SDHC: variants seen among roughly 807,000 people sequenced by gnomAD.
SDHC encodes succinate dehydrogenase complex subunit C, also known as succinate dehydrogenase cytochrome b560 subunit, mitochondrial.
SDHC carries 11 observed loss-of-function variants against 22.6 expected under a neutral mutation model. The ratio of observed to expected loss-of-function variants is 0.49; its 90% CI spans 0.31 to 0.81. The LOEUF (loss-of-function observed/expected upper bound fraction) is 0.81. Among genes scored for constraint, SDHC ranks in the 30% least tolerant of loss-of-function variants. The probability of loss-of-function intolerance (pLI) is 0.05; values close to 1 mark genes in which losing one functional copy is unlikely to be tolerated. For missense variants in SDHC, 160 were observed against 212.0 expected (o/e 0.75, Z 1.52); for synonymous variants, 80 against 77.8 (o/e 1.03, Z -0.15).
intron 4 of SDHC, among the ~76,000 whole-genome samples, chr1:161,342,013 C>T: frequency 6.6e-6 from 1 of 152,026 alleles, no homozygotes. Context: ...ATTTCTATTC[C>T]ATTTATAATC....
At chr1:161,324,615 A>G (rs1349492005) in intron 2 of SDHC, among the ~76,000 whole-genome samples, 1 of 152,184 alleles carries the variant, frequency 6.6e-6, no homozygotes, top group African/African-American at 2.4e-5. Context: ...ATGCCATATG[A>G]AATTTTTATT....
intron 1 of SDHC, 29 bp downstream of exon 1, chr1:161,314,454 C>T (rs1670524723): frequency 3.1e-6 from 5 of 1,612,980 alleles, no homozygotes; most frequent in Admixed American, 1.7e-5. Flanking sequence ...GGAGTTGGTG[C>T]CTGCGGCCCT....
chr1:161,345,544 C>T, intron 4 of SDHC, among the ~76,000 whole-genome samples: 1 of 152,116 alleles, frequency 6.6e-6, no homozygotes, highest in South Asian at 2.1e-4. Flanking sequence ...GCAACCTCCA[C>T]CTCCCGGGTT....
rs1339543098 is a variant in SDHC, at chr1:161,340,588, T to C, written c.180-6T>C. On this transcript the variant is annotated splice_polypyrimidine_tract_variant and splice_region_variant and intron_variant, in intron 3 of 5. Coordinates refer to ENST00000367975, the MANE Select transcript of SDHC (RefSeq NM_003001.5). The stretch of plus-strand genomic sequence containing the variant: ...TTTAAAATTGTCTTTGTGTGTTTCT[T>C]TACAGTTGGTCTCTTCCCATGGCGA... The C allele has an allele frequency of 6.2e-7, 1 of 1,613,290 alleles. No homozygotes were observed. The highest frequency in any genetic ancestry group is 8.5e-7 in the Non-Finnish European group (1 of 1,179,344).
intron 4 of SDHC, among the ~76,000 whole-genome samples, chr1:161,345,825 A>T (rs1671874009): frequency 6.7e-6 from 1 of 150,260 alleles, no homozygotes; most frequent in Admixed American, 6.7e-5. Flanking sequence ...GTTTTTTTTG[A>T]GACGGAGTCT....
At chr1:161,325,599 G>A (rs1671020240) in intron 2 of SDHC, among the ~76,000 whole-genome samples, 1 of 152,158 alleles carries the variant, frequency 6.6e-6, no homozygotes, top group Non-Finnish European at 1.5e-5. Flanking sequence ...AGGATCACCT[G>A]GATGGGGCAA....
chr1:161,337,003 G>A (rs941238738), intron 3 of SDHC, among the ~76,000 whole-genome samples: 1 of 151,486 alleles, frequency 6.6e-6, no homozygotes, highest in Non-Finnish European at 1.5e-5. Flanking sequence ...CCAAGTAGCT[G>A]AGACTATAGA....
At chr1:161,314,604 G>C in intron 1 of SDHC, 179 bp downstream of exon 1, 1 of 709,258 alleles carries the variant, frequency 1.4e-6, no homozygotes, top group Non-Finnish European at 2.4e-6. Flanking sequence ...AGCCGCTCCG[G>C]TGCGCTCCGT....
chr1:161,315,173 G>A (rs1207405277), intron 1 of SDHC, among the ~76,000 whole-genome samples: 1 of 152,136 alleles, frequency 6.6e-6, no homozygotes, highest in East Asian at 1.9e-4. Context: ...CTTTAGACAC[G>A]CCTGGTACAA....
At chr1:161,358,350 C>G (rs4634926) in intron 5 of SDHC, among the ~76,000 whole-genome samples, 17,704 of 151,138 alleles carry the variant, frequency 0.12, 1,403 homozygotes, top group African/African-American at 0.22. Flanking sequence ...CCAGCCTGGT[C>G]TTGAACTCTT....
In SDHC at chr1:161,314,664, C is replaced by T. The variant is rs1004778394; in HGVS notation, c.20+239C>T. 5.1e-6 allele frequency: 3 copies of T among 589,866 alleles called. No individual in the cohort carries two copies. The African/African-American group carries it at 5.6e-5, about 11-fold the overall frequency. 36.5% of individuals were successfully genotyped at this position (589,866 alleles called of 1,614,324 possible). On this transcript the variant is annotated intron_variant, in intron 1 of 5. Transcript: ENST00000367975. ...TATCGAGGGGCCCTCGGCTCTCGCC[C>T]CTTCTGTTTTCCCCACCTCCTCTAG...
chr1:161,329,446 C>T (rs1477950317), intron 3 of SDHC, among the ~76,000 whole-genome samples: 1 of 152,126 alleles, frequency 6.6e-6, no homozygotes, highest in Non-Finnish European at 1.5e-5. Context: ...ATTCTTGTGC[C>T]TCAGCCTCCT....
Position 161,314,447 on chromosome 1 carries a change from G to C in SDHC, c.20+22G>C, listed in dbSNP as rs182261879. On this transcript the variant is annotated intron_variant, in intron 1 of 5. Coordinates refer to ENST00000367975, the MANE Select transcript of SDHC (RefSeq NM_003001.5). ...TGAGGTGACTTCAGTGGGACTGGGA[G>C]TTGGTGCCTGCGGCCCTCCGGAGAT... The C allele has an allele frequency of 4.4e-4, 707 of 1,613,868 alleles. No individual in the cohort carries two copies. Among genetic ancestry groups the C allele is most frequent in the Non-Finnish European group, 5.6e-4 (665 of 1,179,746 alleles).
chr1:161,356,618 G>C, intron 4 of SDHC, 59 bp from the exon 5 acceptor site: 2 of 1,551,636 alleles, frequency 1.3e-6, no homozygotes, highest in Non-Finnish European at 1.8e-6. Flanking sequence ...CCAGTTTTAT[G>C]TATCATATTA....
At chr1:161,328,296 C>A (rs1220925406) in intron 2 of SDHC, 100 bp from the exon 3 acceptor site, 7 of 976,126 alleles carry the variant, frequency 7.2e-6, no homozygotes, top group Admixed American at 5.1e-5. Flanking sequence ...GCAACCATGC[C>A]TGGCTTGGTA....
chr1:161,315,317 A>C (rs887997033), intron 1 of SDHC, among the ~76,000 whole-genome samples: 3 of 152,216 alleles, frequency 2.0e-5, no homozygotes, highest in African/African-American at 7.2e-5. Flanking sequence ...TCAGTCACCC[A>C]GTTTAAAAAT....
chr1:161,323,879 G>C (rs998864269), intron 2 of SDHC, among the ~76,000 whole-genome samples: 2 of 151,980 alleles, frequency 1.3e-5, no homozygotes, highest in Non-Finnish European at 2.9e-5. Flanking sequence ...TGTATTTTTA[G>C]TAGAGACAGG....
chr1:161,356,941 T>C, intron 5 of SDHC, 101 bp downstream of exon 5: 1 of 1,308,246 alleles, frequency 7.6e-7, no homozygotes, highest in Non-Finnish European at 1.1e-6. Context: ...TCTTTTTTTT[T>C]TTTCCCAAGA....
chr1:161,347,230 G>A (rs946459649), intron 4 of SDHC, among the ~76,000 whole-genome samples: 3 of 152,124 alleles, frequency 2.0e-5, no homozygotes, highest in Non-Finnish European at 4.4e-5. Context: ...CCGGATCATT[G>A]GATGATTATG....
Sources: gnomAD v4.1 joint callset for allele counts (sites outside exome capture counted in the v4.1 genomes callset) on GRCh38, gnomAD v4.1.1 for gene constraint, MANE v1.5 for transcripts, NCBI Gene and HGNC (gene_info 2026-07-23, HGNC 2026-07-21) for gene names.